The following DNAH12 variants were observed in gnomAD, a reference collection of about 807,000 sequenced individuals.
DNAH12 encodes the protein axonemal beta dynein heavy chain 12.
In DNAH12, 285 loss-of-function variants were observed where a neutral mutation model predicts 371.5. That is an observed-to-expected ratio of 0.77 (90% confidence interval 0.70 to 0.85). The LOEUF (loss-of-function observed/expected upper bound fraction) is 0.85. DNAH12 is among the 40% of genes least tolerant of loss of function. The pLI is 0.00. For synonymous variants in DNAH12, 1,200 were observed against 1,213.0 expected (o/e 0.99, Z 0.22); for missense variants, 3,611 against 3,689.4 (o/e 0.98, Z 0.55).
At chr3:57,433,272 C>T (rs950350541) in intron 32 of DNAH12, 95 bp downstream of exon 32, 47 of 1,328,398 alleles carry the variant, frequency 3.5e-5, no homozygotes, top group Non-Finnish European at 4.2e-5. Flanking sequence ...TTTATTTTTG[C>T]ATCCTTTATT....
In DNAH12 at chr3:57,293,737, T is replaced by G; in HGVS notation, c.*44A>C. ...TGTATATATTTTAAGTAGGACAGGT[T>G]TTTTTTTTTTTAAACTTTTGGATGT... is the stretch of plus-strand genomic sequence containing the variant. On this transcript the variant is annotated 3_prime_UTR_variant, in exon 74 of 74. Coordinates refer to ENST00000495027, the MANE Select transcript of DNAH12 (RefSeq NM_001366028.2). 1.4e-6 allele frequency: 2 copies of G among 1,420,810 alleles called. No individual in the cohort carries two copies. The highest frequency in any genetic ancestry group is 3.7e-5 in the African/African-American group (2 of 53,790). The allele number at this position is 1,420,810 out of a possible 1,614,324, so 88.0% of individuals were successfully genotyped here.
chr3:57,367,188 G>T (rs947108958), intron 56 of DNAH12, among the ~76,000 whole-genome samples: 14 of 152,122 alleles, frequency 9.2e-5, no homozygotes, highest in Non-Finnish European at 1.8e-4. Flanking sequence ...AAAATTAGCT[G>T]GGTGTCATGG....
At chr3:57,453,943 T>C (rs907409517) in intron 23 of DNAH12, among the ~76,000 whole-genome samples, 5 of 151,956 alleles carry the variant, frequency 3.3e-5, no homozygotes, top group African/African-American at 1.2e-4. Flanking sequence ...CCCCTGTCTC[T>C]ATAAAAAAAT....
intron 36 of DNAH12, among the ~76,000 whole-genome samples, chr3:57,419,868 C>T (rs1371317527): frequency 6.6e-6 from 1 of 152,074 alleles, no homozygotes; most frequent in Admixed American, 6.6e-5. Flanking sequence ...TCCCCAAATG[C>T]CTTCAAGATG....
upstream of DNAH12, among the ~76,000 whole-genome samples, chr3:57,547,303 G>C (rs543614518): frequency 4.0e-4 from 61 of 150,884 alleles, no homozygotes; most frequent in African/African-American, 1.5e-3. Context: ...TACAATGTAC[G>C]TCCTTTTTTT....
intron 60 of DNAH12, among the ~76,000 whole-genome samples, chr3:57,345,842 T>C (rs11915354): frequency 0.14 from 20,932 of 152,198 alleles, 1,947 homozygotes; most frequent in Non-Finnish European, 0.21. Flanking sequence ...ATTTTATGTA[T>C]TTATGACATA....
At chr3:57,521,510 A>G (rs1024448090) in intron 4 of DNAH12, among the ~76,000 whole-genome samples, 4 of 152,180 alleles carry the variant, frequency 2.6e-5, no homozygotes, top group African/African-American at 9.7e-5. Flanking sequence ...AAAAAAAAGA[A>G]AAAAGAAAAA....
intron 37 of DNAH12, among the ~76,000 whole-genome samples, chr3:57,417,888 A>G (rs1365554333): frequency 1.3e-5 from 2 of 152,062 alleles, no homozygotes; most frequent in Non-Finnish European, 2.9e-5. Flanking sequence ...CGGTGGCTCA[A>G]GCCTGTAATC....
In DNAH12 at chr3:57,405,832, C is replaced by T; in HGVS notation, c.6397G>A (p.Ala2133Thr). 1.3e-6 allele frequency: 2 copies of T among 1,551,662 alleles called. No individual in the cohort carries two copies. The highest frequency in any genetic ancestry group is 1.7e-6 in the Non-Finnish European group (2 of 1,146,994). Residue 2133 changes from alanine (A) to threonine (T), a missense_variant, in exon 41 of 74, where the codon GCG becomes ACG. Around this residue, in one of 3 missense-constraint regions of DNAH12, gnomAD observed 2,266 missense variants for 2,236.9 expected, o/e 1.01. Transcript: ENST00000495027. ...GCLLIERDAV[A>T]NKHTMIRLFV... ...AGACGGATCATAGTGTGTTTGTTCG[C>T]CACGGCGTCTCTTTCAATGAGTAAA...
At chr3:57,428,589 TG>T in intron 34 of DNAH12, 43 bp downstream of exon 34, 7 of 1,510,960 alleles carry the variant, frequency 4.6e-6, no homozygotes, top group Non-Finnish European at 6.2e-6. Flanking sequence ...TCAAGTTGAA[TG>T]GAAACAAAGA....
chr3:57,375,019 A>C (rs1452607146), intron 55 of DNAH12, among the ~76,000 whole-genome samples: 7 of 152,186 alleles, frequency 4.6e-5, no homozygotes, highest in Non-Finnish European at 1.0e-4. Flanking sequence ...CTTTGTTAGA[A>C]CTCACTGAAT....
In DNAH12 at chr3:57,429,675, T is replaced by TA; in HGVS notation, c.5064+15dup. On this transcript the variant is annotated intron_variant, in intron 33 of 73. Transcript: ENST00000495027. Reference sequence around the variant, plus strand: ...AGAAATGAACAAACCACCATTGTATTAAATTATGAACTTACGGATGCCTGG... The same window carrying TA: ...AGAAATGAACAAACCACCATTGTATTAAAATTATGAACTTACGGATGCCTGG... 1 of 1,521,176 alleles carries TA rather than the reference T, an allele frequency of 6.6e-7. No individual in the cohort carries two copies. The highest frequency in any genetic ancestry group is 8.8e-7 in the Non-Finnish European group (1 of 1,137,424). The allele number at this position is 1,521,176 out of a possible 1,614,324, so 94.2% of individuals were successfully genotyped here.
At chr3:57,391,576 T>C (rs949320723) in intron 45 of DNAH12, among the ~76,000 whole-genome samples, 1 of 152,206 alleles carries the variant, frequency 6.6e-6, no homozygotes, top group African/African-American at 2.4e-5. Context: ...AACTAACTCA[T>C]CTTCATGACT....
At chr3:57,510,769 T>G in intron 5 of DNAH12, 21 bp downstream of exon 5, 1 of 1,607,464 alleles carries the variant, frequency 6.2e-7, no homozygotes, top group Middle Eastern at 1.7e-4. Context: ...AGAAGCCTGG[T>G]GTGTGTTAGA....
chr3:57,476,855 C>G (rs2066545190), intron 13 of DNAH12, among the ~76,000 whole-genome samples: 1 of 152,000 alleles, frequency 6.6e-6, no homozygotes. Flanking sequence ...AATGCAGAAA[C>G]TATAAAAGAA....
At chr3:57,417,207 G>T (rs1340289293) in intron 37 of DNAH12, among the ~76,000 whole-genome samples, 9 of 152,042 alleles carry the variant, frequency 5.9e-5, no homozygotes, top group African/African-American at 2.2e-4. Flanking sequence ...CTGAGATTGT[G>T]CCATTGCACT....
At chr3:57,503,634 G>T (rs1233174555) in intron 9 of DNAH12, among the ~76,000 whole-genome samples, 2 of 152,090 alleles carry the variant, frequency 1.3e-5, no homozygotes. Context: ...TGTTCCGCCT[G>T]CCTCGGCCTC....
chr3:57,537,204 AAG>A (rs2069082591), intron 2 of DNAH12, among the ~76,000 whole-genome samples: 1 of 152,010 alleles, frequency 6.6e-6, no homozygotes, highest in Non-Finnish European at 1.5e-5. Context: ...AGAAAAAAAA[AAG>A]AGGGGGTGGC....
In DNAH12 at chr3:57,504,016, C is replaced by A. The variant is rs755546358; in HGVS notation, c.1086G>T (p.Gln362His). ...TTCCCGATGGGTAAAGATGTAATAC[C>A]TGCAGAGCTTCGGCTATTCGTTCCA... ...SLVERIAEAL[Q>H]NVQTIPSWLS... The change falls in exon 9 of 74, where the codon CAG (glutamine) becomes CAT (histidine). Residue 362 changes from glutamine to histidine, a missense_variant and splice_region_variant. Coordinates refer to ENST00000495027, the MANE Select transcript of DNAH12 (RefSeq NM_001366028.2). 4 of 1,610,878 alleles carry A rather than the reference C, an allele frequency of 2.5e-6. No individual in the cohort carries two copies. Among genetic ancestry groups the A allele is most frequent in the Non-Finnish European group, 3.4e-6 (4 of 1,177,842 alleles).
Sources: allele counts gnomAD v4.1 joint callset (sites outside exome capture counted in the v4.1 genomes callset), GRCh38; gene constraint gnomAD v4.1.1; regional missense constraint gnomAD v4.1.1; transcripts MANE v1.5; gene names NCBI Gene and HGNC (gene_info 2026-07-23, HGNC 2026-07-21).